Variants in SSX2IP observed in about 807,000 individuals in gnomAD.
SSX2IP encodes SSX family member 2 interacting protein, also known as afadin- and alpha-actinin-binding protein.
SSX2IP carries 55 observed loss-of-function variants against 84.9 expected under a neutral mutation model. That is an observed-to-expected ratio of 0.65 (90% CI 0.52 to 0.81). The LOEUF is 0.81. SSX2IP is among the 30% of genes least tolerant of loss of function. SSX2IP has a pLI of 0.00. For missense variants in SSX2IP, 664 were observed against 705.2 expected, an observed-to-expected ratio of 0.94 and a Z score of 0.66; for synonymous variants, 239 against 234.7, an observed-to-expected ratio of 1.02 and a Z score of -0.17.
At chr1:84,659,935 C>T (rs1245820930) in intron 8 of SSX2IP, among the ~76,000 whole-genome samples, 1 of 152,098 alleles carries the variant, frequency 6.6e-6, no homozygotes, top group African/African-American at 2.4e-5. Context: ...CTTTGTGAGG[C>T]CAAGGTGGGA....
At chr1:84,689,953 A>G (rs1656354906) in intron 1 of SSX2IP, among the ~76,000 whole-genome samples, 1 of 151,992 alleles carries the variant, frequency 6.6e-6, no homozygotes, top group African/African-American at 2.4e-5. Context: ...CAAACCCCGC[A>G]TGCCCCACGG....
Position 84,656,242 on chromosome 1 carries a change from T to A in SSX2IP, c.1215+106A>T. ...TAGCAGGGAACACAGACTAGAAATCTGTCAAATACCAGGGCCTTATGAAAT... is the reference window on the plus strand; with the variant it reads ...TAGCAGGGAACACAGACTAGAAATCAGTCAAATACCAGGGCCTTATGAAAT... On this transcript the variant is annotated intron_variant, in intron 10 of 13. Transcript: ENST00000342203. 2.5e-6 allele frequency: 3 copies of A among 1,190,350 alleles called. No individual in the cohort carries two copies. In the East Asian group the frequency reaches 7.5e-5, roughly 30 times the overall value. 73.7% of individuals were successfully genotyped at this position (1,190,350 alleles called of 1,614,324 possible).
intron 8 of SSX2IP, 28 bp downstream of exon 8, chr1:84,662,170 C>G (rs202229942): frequency 6.9e-7 from 1 of 1,440,440 alleles, no homozygotes; most frequent in South Asian, 1.3e-5. Flanking sequence ...AATCTGAAGA[C>G]TGTATTAGAG....
intron 6 of SSX2IP, among the ~76,000 whole-genome samples, chr1:84,663,672 A>G (rs149133788): frequency 2.0e-5 from 3 of 152,304 alleles, no homozygotes; most frequent in Non-Finnish European, 2.9e-5. Context: ...TGTTTTTCAA[A>G]TCTAAGGTAA....
At chr1:84,688,852 C>T (rs1656173812) in intron 1 of SSX2IP, among the ~76,000 whole-genome samples, 1 of 152,196 alleles carries the variant, frequency 6.6e-6, no homozygotes, top group African/African-American at 2.4e-5. Flanking sequence ...TTTATCTTCC[C>T]TGTACAGTTG....
chr1:84,671,065 T>C (rs1321027739), intron 2 of SSX2IP, 112 bp downstream of exon 2: 2 of 1,282,806 alleles, frequency 1.6e-6, no homozygotes, highest in Non-Finnish European at 2.1e-6. Flanking sequence ...TTACAACGAT[T>C]TGTCTCTCTT....
chr1:84,658,836 C>A (rs1467675564), intron 8 of SSX2IP, among the ~76,000 whole-genome samples: 2 of 152,216 alleles, frequency 1.3e-5, no homozygotes, highest in African/African-American at 4.8e-5. Flanking sequence ...AGAGGCAGAA[C>A]TGATATTTGA....
intron 8 of SSX2IP, among the ~76,000 whole-genome samples, chr1:84,661,855 A>G (rs908559280): frequency 3.9e-5 from 6 of 152,202 alleles, no homozygotes; most frequent in South Asian, 2.1e-4. Context: ...CCTTATCTAT[A>G]AAATGGGGAT....
intron 1 of SSX2IP, among the ~76,000 whole-genome samples, chr1:84,688,860 T>C (rs539961925): frequency 6.6e-6 from 1 of 152,140 alleles, no homozygotes; most frequent in South Asian, 2.1e-4. Flanking sequence ...CCCTGTACAG[T>C]TGGGGAAAGA....
intron 1 of SSX2IP, among the ~76,000 whole-genome samples, chr1:84,684,858 G>A (rs1008266772): frequency 1.3e-5 from 2 of 152,094 alleles, no homozygotes; most frequent in African/African-American, 4.8e-5. Flanking sequence ...GATAGGGCAT[G>A]TAATATATAC....
chr1:84,688,067 G>A (rs1396135327), intron 1 of SSX2IP, among the ~76,000 whole-genome samples: 3 of 152,086 alleles, frequency 2.0e-5, no homozygotes, highest in Admixed American at 1.3e-4. Context: ...CCTCAGGTCA[G>A]GCAAGTAGCA....
At chr1:84,671,553 T>C (rs184554897) in intron 1 of SSX2IP, among the ~76,000 whole-genome samples, 49 of 152,298 alleles carry the variant, frequency 3.2e-4, no homozygotes, top group African/African-American at 1.1e-3. Flanking sequence ...ACAAGATACA[T>C]GGTACACGAT....
chr1:84,647,648 C>T, intron 13 of SSX2IP, 41 bp from the exon 14 acceptor site: 1 of 1,434,538 alleles, frequency 7.0e-7, no homozygotes, highest in South Asian at 1.6e-5. Flanking sequence ...ACTATCCTCT[C>T]CTTCTTTTGT....
intron 5 of SSX2IP, among the ~76,000 whole-genome samples, chr1:84,665,260 T>C (rs1652615963): frequency 6.6e-6 from 1 of 152,164 alleles, no homozygotes; most frequent in African/African-American, 2.4e-5. Context: ...CTAGTCAAAA[T>C]TGTCTGTGAA....
intron 1 of SSX2IP, among the ~76,000 whole-genome samples, chr1:84,681,941 C>G (rs139627986): frequency 6.6e-6 from 1 of 152,294 alleles, no homozygotes; most frequent in Admixed American, 6.5e-5. Context: ...ACTGGCAGAC[C>G]TGGCAAAAGT....
chr1:84,647,589 A>G lies in SSX2IP; in HGVS notation c.1689T>C (p.Asn563=), dbSNP rs1242264149. 6.2e-6 allele frequency: 10 copies of G among 1,603,768 alleles called. No individual in the cohort carries two copies. Among genetic ancestry groups the G allele is most frequent in the Non-Finnish European group, 8.5e-6 (10 of 1,174,570 alleles). The change falls in exon 14 of 14, where the codon AAT becomes AAC. Residue 563 remains asparagine, a synonymous_variant. Coordinates refer to ENST00000342203, the MANE Select transcript of SSX2IP (RefSeq NM_001166293.2). Reference sequence around the variant, plus strand: ...TTGGTTTAATTTCTTCAGCAGTTATATTCAGTACATTGATTGAACTGTTGG... The same window carrying G: ...TTGGTTTAATTTCTTCAGCAGTTATGTTCAGTACATTGATTGAACTGTTGG... ...ISEHSSINVL[N]ITAEEIKPNQ...
intron 13 of SSX2IP, chr1:84,649,778 C>G (rs1649955005): frequency 2.8e-6 from 1 of 361,010 alleles, no homozygotes; most frequent in African/African-American, 2.1e-5. Flanking sequence ...GAGTATTGAT[C>G]TTATCTTAGA....
At chr1:84,669,608 A>T in intron 4 of SSX2IP, 73 bp downstream of exon 4, 1 of 1,250,284 alleles carries the variant, frequency 8.0e-7, no homozygotes, top group Non-Finnish European at 1.1e-6. Context: ...TGAAATATTT[A>T]ATAAAGTCAG....
intron 12 of SSX2IP, 63 bp downstream of exon 12, chr1:84,651,820 T>G (rs1650296683): frequency 2.1e-6 from 2 of 975,526 alleles, no homozygotes; most frequent in Admixed American, 4.6e-5. Flanking sequence ...TGTAGTATTT[T>G]GTAATATGTA....
Sources: gnomAD v4.1 joint callset for allele counts (sites outside exome capture counted in the v4.1 genomes callset) on GRCh38, gnomAD v4.1.1 for gene constraint, MANE v1.5 for transcripts, NCBI Gene and HGNC (gene_info 2026-07-23, HGNC 2026-07-21) for gene names.